RHCG: variants seen among roughly 807,000 people sequenced by gnomAD.
The protein encoded by RHCG is Rh family C glycoprotein.
RHCG carries 39 observed loss-of-function variants against 55.3 expected under a neutral mutation model. The observed-to-expected ratio is 0.70, with a 90% CI of 0.55 to 0.92. The LOEUF is 0.92. RHCG is among the 40% of genes least tolerant of loss of function. The pLI, the probability that RHCG is intolerant of heterozygous loss-of-function variation, is 0.00. For synonymous variants in RHCG, 250 were observed against 246.8 expected (o/e 1.01, Z -0.12); for missense variants, 635 against 627.9 (o/e 1.01, Z -0.12).
chr15:89,479,257 C>T, intron 5 of RHCG, 65 bp downstream of exon 5: 1 of 1,536,400 alleles, frequency 6.5e-7, no homozygotes, highest in Non-Finnish European at 8.8e-7. Context: ...GTTGGCAAGG[C>T]ATGGTGATCA....
intron 1 of RHCG, among the ~76,000 whole-genome samples, chr15:89,488,777 G>A (rs115624332): frequency 6.6e-6 from 1 of 150,766 alleles, no homozygotes; most frequent in Admixed American, 6.6e-5. Context: ...GGAGAATGGG[G>A]GGGGGGGAGT....
At chr15:89,484,487 GGA>G (rs1011621337) in intron 2 of RHCG, among the ~76,000 whole-genome samples, 5 of 151,840 alleles carry the variant, frequency 3.3e-5, no homozygotes, top group African/African-American at 7.3e-5. Context: ...CCATTAGAAA[GGA>G]GAGAGAGAGA....
chr15:89,472,069 CAAT>C (rs1425839334), intron 10 of RHCG, among the ~76,000 whole-genome samples: 1 of 151,782 alleles, frequency 6.6e-6, no homozygotes, highest in Non-Finnish European at 1.5e-5. Context: ...AGTTAAATAA[CAAT>C]AATAAAAACA....
In RHCG at chr15:89,483,056, G is replaced by T. The variant is rs1298080178; in HGVS notation, c.522+11C>A. ...CCCCACCACCTCATCCCCATTCTGA[G>T]CCCTGCTCACCTTTAGCAGGTTAAG... is the stretch of plus-strand genomic sequence containing the variant. On this transcript the variant is annotated intron_variant, in intron 3 of 10. Coordinates refer to ENST00000268122, the MANE Select transcript of RHCG (RefSeq NM_016321.3). 6 of 1,559,502 alleles carry T rather than the reference G, an allele frequency of 3.8e-6. No individual in the cohort carries two copies. Among genetic ancestry groups the T allele is most frequent in the Non-Finnish European group, 5.3e-6 (6 of 1,137,974 alleles).
chr15:89,476,911 C>A, intron 8 of RHCG, 83 bp from the exon 9 acceptor site: 2 of 1,541,976 alleles, frequency 1.3e-6, no homozygotes, highest in Non-Finnish European at 1.8e-6. Context: ...TGGGAAAATC[C>A]TCCTGGGGCC....
chr15:89,476,063 G>A (rs1176805507), intron 9 of RHCG, among the ~76,000 whole-genome samples: 4 of 133,828 alleles, frequency 3.0e-5, no homozygotes, highest in African/African-American at 5.8e-5. Flanking sequence ...CCTCCCCTCC[G>A]CTTCTCTCTC....
chr15:89,476,946 C>T (rs1028472175), intron 8 of RHCG, 118 bp from the exon 9 acceptor site: 7 of 1,543,514 alleles, frequency 4.5e-6, no homozygotes, highest in Non-Finnish European at 6.3e-6. Context: ...CAAATTGTCC[C>T]AGTCCTGTAG....
rs755958273 is a variant in RHCG, at chr15:89,479,367, C to T, written c.792G>A (p.Ser264=). 50 of 1,614,052 alleles carry T rather than the reference C, an allele frequency of 3.1e-5. No individual in the cohort carries two copies. The highest frequency in any genetic ancestry group is 3.6e-5 in the Non-Finnish European group (43 of 1,180,044). The change falls in exon 5 of 11, where the codon TCG becomes TCA. Residue 264 remains serine, a synonymous_variant. Transcript: ENST00000268122. ...YCSLAACVLT[S]VAISSALHKK... The stretch of plus-strand genomic sequence containing the variant: ...TGTGCAGGGCACTGGATATTGCCAC[C>T]GAGGTAAGCACGCAGGCTGCCAAGG...
chr15:89,493,369 G>A (rs1961511206), intron 1 of RHCG, among the ~76,000 whole-genome samples: 1 of 152,218 alleles, frequency 6.6e-6, no homozygotes, highest in Non-Finnish European at 1.5e-5. Flanking sequence ...TGCATCACGG[G>A]CCTCCGAGGG....
At chr15:89,479,943 GA>G (rs537387185) in intron 4 of RHCG, among the ~76,000 whole-genome samples, 2 of 152,252 alleles carry the variant, frequency 1.3e-5, no homozygotes, top group South Asian at 4.1e-4. Context: ...TAGCCCAGGG[GA>G]TGGAGTGAGC....
chr15:89,473,942 T>C (rs1961086171), intron 9 of RHCG, among the ~76,000 whole-genome samples: 8 of 152,246 alleles, frequency 5.3e-5, no homozygotes, highest in Admixed American at 5.2e-4. Flanking sequence ...TTTATTTCGT[T>C]AGCGTAAAAT....
chr15:89,472,310 T>G (rs1463150733), intron 10 of RHCG, among the ~76,000 whole-genome samples: 3 of 151,764 alleles, frequency 2.0e-5, no homozygotes, highest in Non-Finnish European at 4.4e-5. Context: ...GAGGGGAGGG[T>G]GGGTCTCATC....
chr15:89,473,545 T>C (rs1961078768), intron 9 of RHCG, among the ~76,000 whole-genome samples: 1 of 152,172 alleles, frequency 6.6e-6, no homozygotes, highest in African/African-American at 2.4e-5. Context: ...TCCATACCCA[T>C]GGGTTTTGTA....
intron 1 of RHCG, among the ~76,000 whole-genome samples, chr15:89,492,047 A>C (rs1961485537): frequency 6.8e-6 from 1 of 146,174 alleles, no homozygotes; most frequent in South Asian, 2.3e-4. Flanking sequence ...AAGACTGACA[A>C]GGTTGCATTG....
intron 2 of RHCG, among the ~76,000 whole-genome samples, chr15:89,485,340 G>A (rs1306235381): frequency 6.6e-6 from 1 of 152,204 alleles, no homozygotes; most frequent in Non-Finnish European, 1.5e-5. Flanking sequence ...TGATATGCAT[G>A]TCAAGGGTCT....
In RHCG at chr15:89,486,908, C is replaced by A; in HGVS notation, c.262G>T (p.Ala88Ser). The change falls in exon 2 of 11, where the codon GCC becomes TCC. Residue 88 changes from alanine to serine, a missense_variant. By Grantham distance (99) the Ala-to-Ser change is moderately conservative. Coordinates refer to ENST00000268122, the MANE Select transcript of RHCG (RefSeq NM_016321.3). ...MTFLQRYGFSAVGFNFLLAAF... is the reference protein window; with the variant it reads ...MTFLQRYGFSSVGFNFLLAAF... ...GCCAACAGGAAGTTGAAGCCCACGG[C>A]GCTGAAGCCGTAGCGCTGCAGGAAA... The A allele has an allele frequency of 6.2e-7, 1 of 1,612,992 alleles. No individual in the cohort carries two copies. The highest frequency in any genetic ancestry group is 8.5e-7 in the Non-Finnish European group (1 of 1,179,222).
chr15:89,476,972 T>C, intron 8 of RHCG, 110 bp downstream of exon 8: 3 of 1,560,794 alleles, frequency 1.9e-6, no homozygotes, highest in South Asian at 2.3e-5. Context: ...AGTGCAGAGA[T>C]CAGGGATTCC....
rs776088646 is a variant in RHCG, at chr15:89,496,531, G to A, written c.14C>T (p.Thr5Ile). The stretch of plus-strand genomic sequence containing the variant: ...GAGCGGCAGCCGCCAGCGGAGGTTG[G>A]TGTTCCAGGCCATGCTGCAGGGGTG... Reference protein sequence around the residue: MAWNTNLRWRLPLTC... With the variant: MAWNINLRWRLPLTC... Residue 5 changes from threonine to isoleucine, a missense_variant, in exon 1 of 11, where the codon ACC becomes ATC. Thr to Ile is a moderately conservative substitution (Grantham distance 89, BLOSUM62 -1). Coordinates refer to ENST00000268122, the MANE Select transcript of RHCG (RefSeq NM_016321.3). 70 of 1,612,408 alleles carry A rather than the reference G, an allele frequency of 4.3e-5. No individual in the cohort carries two copies. Among genetic ancestry groups the A allele is most frequent in the Non-Finnish European group, 5.8e-5 (68 of 1,179,826 alleles).
In RHCG at chr15:89,477,048, A is replaced by AC. The variant is rs758242276; in HGVS notation, c.1237+33dup. ...TCCACCCAGGGAGCCCCACAGCAGC[A>AC]CCCCCCTTCTCTGGCTCAGCCATTC... On this transcript the variant is annotated intron_variant, in intron 8 of 10. Transcript: ENST00000268122. The surrounding 1 kb of genome is among the most constrained non-coding windows in gnomAD (Gnocchi z 4.5). 1 of 1,611,786 alleles carries AC rather than the reference A, an allele frequency of 6.2e-7. No homozygotes were observed. Among genetic ancestry groups the AC allele is most frequent in the African/African-American group, 1.3e-5 (1 of 74,462 alleles).
Sources: gnomAD v4.1 joint callset for allele counts (sites outside exome capture counted in the v4.1 genomes callset) on GRCh38, gnomAD v4.1.1 for gene constraint, Gnocchi (gnomAD v3.1) non-coding constraint, MANE v1.5 for transcripts, NCBI Gene and HGNC (gene_info 2026-07-23, HGNC 2026-07-21) for gene names.